FHOD3: variants seen among roughly 807,000 people sequenced by gnomAD.
FHOD3 encodes the protein formin homology 2 domain containing 3, also known as FH1/FH2 domain-containing protein 3.
A neutral mutation model predicts 173.0 loss-of-function variants in FHOD3; 90 were observed. That is an observed-to-expected ratio of 0.52 (90% CI 0.44 to 0.62). The LOEUF (loss-of-function observed/expected upper bound fraction) is 0.62, where lower values mean the gene tolerates loss of function less well. FHOD3 is among the 20% of genes least tolerant of loss of function. The pLI, the probability that FHOD3 is intolerant of heterozygous loss-of-function variation, is 0.00. For synonymous variants in FHOD3, 828 were observed against 823.0 expected (o/e 1.01, Z -0.10); for missense variants, 1,945 against 2,034.7 (o/e 0.96, Z 0.85).
chr18:36,328,675 G>C (rs1384480777), intron 1 of FHOD3, among the ~76,000 whole-genome samples: 1 of 152,136 alleles, frequency 6.6e-6, no homozygotes, highest in Admixed American at 6.5e-5. Flanking sequence ...GGATGATGTT[G>C]GGAGAAGCCC....
At chr18:36,594,626 A>T (rs907764008) in intron 6 of FHOD3, among the ~76,000 whole-genome samples, 161 bp from the exon 7 acceptor site, 6 of 151,932 alleles carry the variant, frequency 3.9e-5, no homozygotes, top group African/African-American at 1.2e-4. Context: ...CTGCCTTCTG[A>T]GGTGTCTAAT....
intron 3 of FHOD3, among the ~76,000 whole-genome samples, chr18:36,432,590 G>A (rs1286914514): frequency 2.0e-5 from 3 of 152,172 alleles, no homozygotes; most frequent in African/African-American, 7.2e-5. Context: ...TATGCTGGGT[G>A]TCCAGTTCTG....
At chr18:36,445,437 C>T (rs1298779477) in intron 3 of FHOD3, among the ~76,000 whole-genome samples, 5 of 152,082 alleles carry the variant, frequency 3.3e-5, no homozygotes, top group African/African-American at 1.2e-4. Flanking sequence ...TTTAACCTCC[C>T]TGAAAAATAA....
chr18:36,777,198 CTTTTTTTTTTTT>C (rs11294880), intron 28 of FHOD3, among the ~76,000 whole-genome samples: 25 of 108,836 alleles, frequency 2.3e-4, no homozygotes, highest in South Asian at 2.1e-3. Context: ...TCTTCTTTTT[CTTTTTTTTTTTT>C]TTTTTTTTTT....
intron 14 of FHOD3, among the ~76,000 whole-genome samples, chr18:36,670,024 C>T (rs192613483): frequency 1.3e-5 from 2 of 149,874 alleles, no homozygotes; most frequent in African/African-American, 4.9e-5. Context: ...AAGTTGATAG[C>T]GTTTTTTTTT....
At chr18:36,516,134 A>G (rs3859354) in intron 5 of FHOD3, among the ~76,000 whole-genome samples, 2,554 of 152,068 alleles carry the variant, frequency 0.017, 67 homozygotes, top group African/African-American at 0.059. Flanking sequence ...TAAGGTTCTG[A>G]TAACTGCTGG....
intron 5 of FHOD3, among the ~76,000 whole-genome samples, chr18:36,513,007 G>A (rs1405843120): frequency 6.6e-6 from 1 of 152,096 alleles, no homozygotes; most frequent in East Asian, 1.9e-4. Flanking sequence ...TTTCTGATTC[G>A]ATAGTTTTGA....
intron 7 of FHOD3, among the ~76,000 whole-genome samples, chr18:36,600,987 G>A (rs989721895): frequency 2.0e-5 from 3 of 152,168 alleles, no homozygotes; most frequent in East Asian, 3.8e-4. Context: ...CACAAATGGC[G>A]GCATCCAGAT....
intron 3 of FHOD3, among the ~76,000 whole-genome samples, chr18:36,494,020 G>A (rs369638528): frequency 7.0e-4 from 106 of 152,218 alleles, no homozygotes; most frequent in African/African-American, 2.3e-3. Flanking sequence ...CCCTACTTCC[G>A]TTCTTGAAGG....
At chr18:36,457,960 C>A (rs1389534895) in intron 3 of FHOD3, among the ~76,000 whole-genome samples, 1 of 152,100 alleles carries the variant, frequency 6.6e-6, no homozygotes, top group Non-Finnish European at 1.5e-5. Flanking sequence ...AGCCCTCTGA[C>A]CTATACTGAG....
At chr18:36,611,848 C>A in intron 8 of FHOD3, 104 bp from the exon 9 acceptor site, 2 of 1,126,756 alleles carry the variant, frequency 1.8e-6, no homozygotes, top group Non-Finnish European at 1.2e-6. Flanking sequence ...TGATTAGTGG[C>A]CATGATTATA....
At chr18:36,727,095 G>C (rs1161370456) in intron 19 of FHOD3, among the ~76,000 whole-genome samples, 1 of 152,120 alleles carries the variant, frequency 6.6e-6, no homozygotes, top group Non-Finnish European at 1.5e-5. Context: ...GTCAGGCCTA[G>C]GGTGGAGAGG....
intron 14 of FHOD3, among the ~76,000 whole-genome samples, chr18:36,675,121 A>T (rs2037766099): frequency 6.6e-6 from 1 of 152,142 alleles, no homozygotes; most frequent in South Asian, 2.1e-4. Context: ...GCCATAGGAC[A>T]GGCCTCCTGC....
intron 19 of FHOD3, among the ~76,000 whole-genome samples, chr18:36,723,399 C>T (rs140938301): frequency 1.4e-4 from 21 of 151,928 alleles, no homozygotes; most frequent in African/African-American, 4.6e-4. Flanking sequence ...GGATGGGGGG[C>T]GGTTTGCCTT....
intron 1 of FHOD3, among the ~76,000 whole-genome samples, chr18:36,312,915 G>T (rs2092291496): frequency 6.6e-6 from 1 of 152,154 alleles, no homozygotes; most frequent in African/African-American, 2.4e-5. Context: ...CTGGCTCAGG[G>T]TCTGTCATGA....
chr18:36,710,238 A>G (rs1477827046), intron 18 of FHOD3: 1 of 152,172 alleles, frequency 6.6e-6, no homozygotes, highest in Admixed American at 6.6e-5. Flanking sequence ...CCTACCCATG[A>G]CTTGTGTGCT....
chr18:36,421,319 C>A (rs1015067681), intron 3 of FHOD3, among the ~76,000 whole-genome samples: 18 of 152,120 alleles, frequency 1.2e-4, no homozygotes, highest in Non-Finnish European at 1.0e-4. Context: ...TTTGAATTTA[C>A]CAAATATTCA....
At chr18:36,470,477 G>C (rs1216623337) in intron 3 of FHOD3, among the ~76,000 whole-genome samples, 2 of 152,170 alleles carry the variant, frequency 1.3e-5, no homozygotes, top group Non-Finnish European at 2.9e-5. Context: ...CATGGAACTG[G>C]GGGAGGGAGT....
chr18:36,549,537 T>TA (rs1164963134), intron 5 of FHOD3, among the ~76,000 whole-genome samples: 1 of 130,648 alleles, frequency 7.7e-6, no homozygotes, highest in Non-Finnish European at 1.6e-5. Flanking sequence ...GAAATCTTTT[T>TA]TTTTTTTTTT....
Sources: allele counts gnomAD v4.1 joint callset (sites outside exome capture counted in the v4.1 genomes callset), GRCh38; gene constraint gnomAD v4.1.1; transcripts MANE v1.5; gene names NCBI Gene and HGNC (gene_info 2026-07-23, HGNC 2026-07-21).